Variants in NR6A1 observed in about 807,000 individuals in gnomAD.
NR6A1 encodes retinoic acid receptor-related testis-associated receptor.
A neutral mutation model predicts 59.1 loss-of-function variants in NR6A1; 7 were observed. That is an observed-to-expected ratio of 0.12 (90% CI 0.07 to 0.22). NR6A1 has a LOEUF of 0.22. Ranked by LOEUF, NR6A1 falls within the 10% of genes least tolerant of loss-of-function variation. The probability of loss-of-function intolerance (pLI) is 1.00; values close to 1 mark genes in which losing one functional copy is unlikely to be tolerated. For missense variants in NR6A1, 468 were observed against 611.6 expected (o/e 0.77, Z 2.48); for synonymous variants, 243 against 236.1 (o/e 1.03, Z -0.27).
chr9:124,693,834 C>T, intron 2 of NR6A1: 1 of 525,716 alleles, frequency 1.9e-6, no homozygotes, highest in South Asian at 1.4e-5. Flanking sequence ...AGAGAGTCGC[C>T]TGAGTGCAGC....
chr9:124,553,060 A>C (rs1388585652), intron 3 of NR6A1, among the ~76,000 whole-genome samples: 1 of 152,220 alleles, frequency 6.6e-6, no homozygotes, highest in East Asian at 1.9e-4. Flanking sequence ...TATCATACTT[A>C]ATCCCGTAGA....
At chr9:124,709,077 T>C (rs921386941) in intron 2 of NR6A1, among the ~76,000 whole-genome samples, 1 of 152,118 alleles carries the variant, frequency 6.6e-6, no homozygotes, top group African/African-American at 2.4e-5. Flanking sequence ...CAGATCCCCA[T>C]CCTCTCTCAT....
At position 124,771,112 on chromosome 9, in the gene NR6A1, C is replaced by T. The variant is rs902151986; in HGVS notation, c.8G>A (p.Arg3Gln). The T allele has an allele frequency of 1.5e-4, 185 of 1,229,558 alleles. No individual in the cohort carries two copies. The highest frequency in any genetic ancestry group is 1.9e-4 in the Non-Finnish European group (183 of 986,038). 76.2% of individuals were successfully genotyped at this position (1,229,558 alleles called of 1,614,324 possible). ...CCCTCCGCTAGGCGGCGGTTCGTCC[C>T]GCTCCATGCGGTGGTGCCTAGGGTC... ME[R>Q]DEPPPSGGGG... Residue 3 changes from arginine (R) to glutamine (Q), a missense_variant, in exon 1 of 10, where the codon CGG becomes CAG. By Grantham distance (43) the Arg-to-Gln change is conservative. This residue lies in a region of NR6A1 where 75 missense variants were observed against 65.6 expected (regional missense o/e 1.14). Transcript: ENST00000487099.
chr9:124,534,094 C>CG (rs1430551805), intron 7 of NR6A1, among the ~76,000 whole-genome samples: 1 of 136,478 alleles, frequency 7.3e-6, no homozygotes, highest in Non-Finnish European at 1.5e-5. Flanking sequence ...TTTTTTGAGA[C>CG]GGAGTTTCGC....
intron 2 of NR6A1, among the ~76,000 whole-genome samples, chr9:124,608,149 G>C (rs1835625591): frequency 6.6e-6 from 1 of 152,142 alleles, no homozygotes; most frequent in South Asian, 2.1e-4. Flanking sequence ...GCACTTTTTA[G>C]ATTTTATTTT....
At chr9:124,524,628 G>T in intron 9 of NR6A1, 93 bp downstream of exon 9, 1 of 1,453,210 alleles carries the variant, frequency 6.9e-7, no homozygotes. Flanking sequence ...GTGATGGGCT[G>T]GAAAGAGCAC....
chr9:124,638,845 G>A (rs1488394197), intron 2 of NR6A1, among the ~76,000 whole-genome samples: 1 of 152,188 alleles, frequency 6.6e-6, no homozygotes, highest in Non-Finnish European at 1.5e-5. Context: ...CAAATAAGGT[G>A]ATGCTTGTGA....
chr9:124,718,277 A>G (rs371584495), intron 2 of NR6A1, among the ~76,000 whole-genome samples: 3 of 152,334 alleles, frequency 2.0e-5, no homozygotes, highest in South Asian at 2.1e-4. Flanking sequence ...CTCCATTATC[A>G]ATAGTGCTGG....
chr9:124,668,908 TTC>T (rs1164059968), intron 2 of NR6A1, among the ~76,000 whole-genome samples: 1 of 152,166 alleles, frequency 6.6e-6, no homozygotes, highest in African/African-American at 2.4e-5. Flanking sequence ...ATAATACAGT[TTC>T]TGTTTACTCA....
chr9:124,747,054 A>G (rs774203038), intron 1 of NR6A1, among the ~76,000 whole-genome samples: 8 of 152,228 alleles, frequency 5.3e-5, no homozygotes, highest in Non-Finnish European at 1.0e-4. Flanking sequence ...GGGAGGAAAG[A>G]AAGAATGTAA....
At chr9:124,682,820 A>C (rs1445311017) in intron 2 of NR6A1, among the ~76,000 whole-genome samples, 1 of 152,202 alleles carries the variant, frequency 6.6e-6, no homozygotes, top group Non-Finnish European at 1.5e-5. Context: ...GTTTGGCAAG[A>C]GATCTTAGGG....
chr9:124,528,080 AAG>A (rs1832990569), intron 7 of NR6A1, among the ~76,000 whole-genome samples: 1 of 152,242 alleles, frequency 6.6e-6, no homozygotes, highest in South Asian at 2.1e-4. Context: ...GGCCTGTGCC[AAG>A]CCAAGAAGGC....
chr9:124,713,263 CA>C (rs1839328577), intron 2 of NR6A1, among the ~76,000 whole-genome samples: 1 of 151,370 alleles, frequency 6.6e-6, no homozygotes, highest in Non-Finnish European at 1.5e-5. Context: ...CAAAATCGAT[CA>C]AAGACTTAAA....
intron 2 of NR6A1, among the ~76,000 whole-genome samples, chr9:124,661,149 C>T (rs1837421153): frequency 6.6e-6 from 1 of 151,950 alleles, no homozygotes; most frequent in African/African-American, 2.4e-5. Flanking sequence ...GAATTAAAAT[C>T]AAAGCCCCAA....
At chr9:124,529,251 C>G (rs537897998) in intron 7 of NR6A1, among the ~76,000 whole-genome samples, 3 of 152,156 alleles carry the variant, frequency 2.0e-5, no homozygotes. Context: ...CTGCTACCTG[C>G]GAGGCACATT....
intron 1 of NR6A1, among the ~76,000 whole-genome samples, chr9:124,764,127 T>C (rs1485496192): frequency 6.7e-6 from 1 of 150,212 alleles, no homozygotes; most frequent in Non-Finnish European, 1.5e-5. Context: ...GAGGTTGCAG[T>C]GAGCAGAGAT....
At chr9:124,530,468 A>G (rs1047608761) in intron 7 of NR6A1, among the ~76,000 whole-genome samples, 2 of 152,204 alleles carry the variant, frequency 1.3e-5, no homozygotes, top group African/African-American at 4.8e-5. Context: ...ACTGTCTACA[A>G]ATTATCAGCA....
chr9:124,734,197 T>C (rs1209132510), intron 1 of NR6A1, among the ~76,000 whole-genome samples: 1 of 152,226 alleles, frequency 6.6e-6, no homozygotes, highest in East Asian at 1.9e-4. Flanking sequence ...TGTTTATAAT[T>C]ATCTCTAACA....
At chr9:124,690,379 G>C (rs2131017702) in intron 2 of NR6A1, among the ~76,000 whole-genome samples, 1 of 152,156 alleles carries the variant, frequency 6.6e-6, no homozygotes, top group Non-Finnish European at 1.5e-5. Context: ...AATATTTCAT[G>C]GTTTCTCTGG....
Sources: gnomAD v4.1 joint callset for allele counts (sites outside exome capture counted in the v4.1 genomes callset) on GRCh38, gnomAD v4.1.1 for gene constraint, gnomAD v4.1.1 regional missense constraint, MANE v1.5 for transcripts, NCBI Gene and HGNC (gene_info 2026-07-23, HGNC 2026-07-21) for gene names.